Variants in FARS2 observed in about 807,000 individuals in gnomAD.
FARS2 encodes the protein phenylalanyl-tRNA synthetase 2, mitochondrial, also known as phenylalanine--tRNA ligase, mitochondrial.
FARS2 carries 40 observed loss-of-function variants against 46.4 expected under a neutral mutation model. The ratio of observed to expected loss-of-function variants is 0.86; its 90% CI spans 0.67 to 1.12. The LOEUF is 1.12. FARS2 is among the 50% of genes most tolerant of loss of function. The pLI, the probability that FARS2 is intolerant of heterozygous loss-of-function variation, is 0.00. For synonymous variants in FARS2, 234 were observed against 214.9 expected, an observed-to-expected ratio of 1.09 and a Z score of -0.78; for missense variants, 513 against 567.9, an observed-to-expected ratio of 0.90 and a Z score of 0.98.
intron 1 of FARS2, among the ~76,000 whole-genome samples, chr6:5,281,703 C>T (rs535598692): frequency 7.3e-5 from 11 of 149,808 alleles, no homozygotes; most frequent in Admixed American, 4.1e-4. Flanking sequence ...AGTGATTGTC[C>T]GAACCAATAT....
Position 5,432,323 on chromosome 6 carries a change from AAAAAAT to A in FARS2, c.904+1153_904+1158del, listed in dbSNP as rs1358660030. Reference sequence around the variant, plus strand: ...GAGCAACACTCAGTCTTAAAAAAAAAAAAAATATATATATATATATATATATATTAT... The same window carrying A: ...GAGCAACACTCAGTCTTAAAAAAAAAATATATATATATATATATATATTAT... On this transcript the variant is annotated intron_variant, in intron 4 of 6. Transcript: ENST00000274680. 9.7e-3 allele frequency among the ~76,000 whole-genome samples: 385 copies of A among 39,810 alleles called. 3 individuals carry two copies. Among genetic ancestry groups the A allele is most frequent in the African/African-American group, 0.025 (357 of 14,294 alleles). 26.1% of individuals were successfully genotyped at this position (39,810 alleles called of 152,430 possible). A position where few individuals can be genotyped will look rare whatever the true frequency, so the allele number is the denominator to read the frequency against.
intron 4 of FARS2, chr6:5,458,131 C>T (rs1026915104): frequency 2.6e-5 from 4 of 153,202 alleles, no homozygotes; most frequent in African/African-American, 9.6e-5. Flanking sequence ...GCCAAGTCCC[C>T]TTGGCTCCCT....
chr6:5,299,405 A>G (rs1768127154), intron 1 of FARS2, among the ~76,000 whole-genome samples: 1 of 152,202 alleles, frequency 6.6e-6, no homozygotes, highest in Non-Finnish European at 1.5e-5. Context: ...GCTTTGTCTG[A>G]GCCCCTTCTG....
chr6:5,404,936 T>C (rs1304166605), intron 3 of FARS2, among the ~76,000 whole-genome samples: 1 of 151,914 alleles, frequency 6.6e-6, no homozygotes, highest in Non-Finnish European at 1.5e-5. Flanking sequence ...GTAGCTGGGA[T>C]TATAGGCGCC....
rs865877614 is a variant in FARS2 at position 5,428,965 on chromosome 6, A to G, written c.773-2076A>G. Among the ~76,000 whole-genome samples the G allele has an allele frequency of 4.6e-5, 7 of 152,378 alleles. 1 individual carries two copies. The Middle Eastern group carries it at 0.01, about 222-fold the overall frequency. ...ATCTTAAAATAACCCTGATGAAAGA[A>G]GCAAGAAAAAAAGGAGTACATTCTG... On this transcript the variant is annotated intron_variant, in intron 3 of 6. Transcript: ENST00000274680.
intron 2 of FARS2, among the ~76,000 whole-genome samples, chr6:5,376,696 A>C (rs1377557659): frequency 1.3e-5 from 2 of 152,144 alleles, no homozygotes; most frequent in African/African-American, 4.8e-5. Context: ...CGCGAGTGGT[A>C]CTAAACTATC....
At chr6:5,380,721 G>A (rs890450661) in intron 2 of FARS2, among the ~76,000 whole-genome samples, 2 of 152,118 alleles carry the variant, frequency 1.3e-5, no homozygotes, top group African/African-American at 4.8e-5. Context: ...CCTGTACTGG[G>A]TACTTTCATT....
At chr6:5,273,326 C>A (rs1213471267) in intron 1 of FARS2, among the ~76,000 whole-genome samples, 2 of 152,130 alleles carry the variant, frequency 1.3e-5, no homozygotes, top group African/African-American at 4.8e-5. Flanking sequence ...TCTGTGCCGG[C>A]ATCTTTTATT....
intron 2 of FARS2, among the ~76,000 whole-genome samples, chr6:5,389,434 T>C (rs1436783748): frequency 1.3e-5 from 2 of 152,200 alleles, no homozygotes; most frequent in Admixed American, 1.3e-4. Context: ...TCAATCTGTC[T>C]ACTGAAACGA....
At chr6:5,449,220 G>A (rs1390339590) in intron 4 of FARS2, among the ~76,000 whole-genome samples, 5 of 151,866 alleles carry the variant, frequency 3.3e-5, no homozygotes, top group Admixed American at 6.6e-5. Flanking sequence ...GTGTTGGTGG[G>A]CACCTGTAAT....
At chr6:5,622,006 G>T (rs1206354226) in intron 6 of FARS2, among the ~76,000 whole-genome samples, 1 of 152,220 alleles carries the variant, frequency 6.6e-6, no homozygotes, top group Non-Finnish European at 1.5e-5. Context: ...TCATTATCCA[G>T]TGCAAATTCT....
chr6:5,321,327 C>T (rs1054116302), intron 1 of FARS2, among the ~76,000 whole-genome samples: 2 of 152,124 alleles, frequency 1.3e-5, no homozygotes, highest in African/African-American at 4.8e-5. Flanking sequence ...GTGCATTGGG[C>T]TTGATGTGTT....
chr6:5,394,785 A>G (rs1231126075), intron 2 of FARS2, among the ~76,000 whole-genome samples: 1 of 151,994 alleles, frequency 6.6e-6, no homozygotes, highest in African/African-American at 2.4e-5. Context: ...TTAAAAAAAA[A>G]GCATTTGGTG....
chr6:5,322,873 A>G (rs1422465237), intron 1 of FARS2, among the ~76,000 whole-genome samples: 2 of 152,210 alleles, frequency 1.3e-5, no homozygotes, highest in African/African-American at 4.8e-5. Flanking sequence ...AGAGTTTGAT[A>G]AGTGAGTATT....
At chr6:5,537,851 T>G (rs1770316908) in intron 4 of FARS2, among the ~76,000 whole-genome samples, 1 of 152,170 alleles carries the variant, frequency 6.6e-6, no homozygotes, top group Non-Finnish European at 1.5e-5. Flanking sequence ...TCTATTGCCA[T>G]TCTCCTCCTC....
chr6:5,759,566 G>A (rs1365684305), intron 6 of FARS2, among the ~76,000 whole-genome samples: 3 of 152,156 alleles, frequency 2.0e-5, no homozygotes, highest in Admixed American at 1.3e-4. Context: ...AATGGGGACA[G>A]TGATGTTAAA....
At chr6:5,381,304 A>G (rs1197605522) in intron 2 of FARS2, among the ~76,000 whole-genome samples, 3 of 151,332 alleles carry the variant, frequency 2.0e-5, no homozygotes, top group East Asian at 3.9e-4. Flanking sequence ...GCCTATAGCA[A>G]TGATTTCTAA....
chr6:5,663,236 C>T lies in FARS2; in HGVS notation c.1217+49916C>T, dbSNP rs1484319385. On this transcript the variant is annotated intron_variant, in intron 6 of 6. Coordinates refer to ENST00000274680, the MANE Select transcript of FARS2 (RefSeq NM_006567.5). The stretch of plus-strand genomic sequence containing the variant: ...TCCCTTTGCATTAAAAACAAGCCCC[C>T]CTGGCTACTGAATGGCTCTTCAATG... 3.3e-5 allele frequency among the ~76,000 whole-genome samples: 5 copies of T among 152,292 alleles called. 1 individual carries two copies. In the South Asian group the frequency reaches 1.0e-3, roughly 32 times the overall value.
At position 5,604,717 on chromosome 6, in the gene FARS2, G is replaced by C. The variant is rs150845703; in HGVS notation, c.1066-8452G>C. On this transcript the variant is annotated intron_variant, in intron 5 of 6. Coordinates refer to ENST00000274680, the MANE Select transcript of FARS2 (RefSeq NM_006567.5). ...TAAAGTATATATTCTTAACAATATC[G>C]AGGTATACACAGTATATGTACATAC... 1.2e-4 allele frequency among the ~76,000 whole-genome samples: 19 copies of C among 152,174 alleles called. No homozygotes were observed. The East Asian group carries it at 2.9e-3, about 23-fold the overall frequency.
Sources: gnomAD v4.1 joint callset for allele counts (sites outside exome capture counted in the v4.1 genomes callset) on GRCh38, gnomAD v4.1.1 for gene constraint, MANE v1.5 for transcripts, NCBI Gene and HGNC (gene_info 2026-07-23, HGNC 2026-07-21) for gene names.